DMXL1: variants seen among roughly 807,000 people sequenced by gnomAD.
DMXL1 encodes the protein Dmx like 1.
Under a neutral mutation model 319.2 loss-of-function variants are expected in DMXL1, and 99 were observed. The ratio of observed to expected loss-of-function variants is 0.31; its 90% CI spans 0.26 to 0.37. The LOEUF is 0.37. Among genes scored for constraint, DMXL1 ranks in the 10% least tolerant of loss-of-function variants. The pLI is 1.00. For missense variants in DMXL1, 3,745 were observed against 3,595.6 expected, an observed-to-expected ratio of 1.04 and a Z score of -1.06; for synonymous variants, 1,385 against 1,235.2, an observed-to-expected ratio of 1.12 and a Z score of -2.54.
At chr5:119,086,826 G>A (rs1226499199) in intron 1 of DMXL1, among the ~76,000 whole-genome samples, 1 of 152,004 alleles carries the variant, frequency 6.6e-6, no homozygotes, top group Admixed American at 6.6e-5. Context: ...TGAAGCCATA[G>A]GTCCTGAGCT....
intron 1 of DMXL1, among the ~76,000 whole-genome samples, chr5:119,089,756 A>G (rs1032078419): frequency 3.3e-5 from 5 of 150,614 alleles, no homozygotes; most frequent in African/African-American, 1.2e-4. Context: ...TTTCCTGAGT[A>G]GCTGGGATTA....
chr5:119,158,638 G>A (rs1046031465), intron 19 of DMXL1, among the ~76,000 whole-genome samples: 1 of 152,134 alleles, frequency 6.6e-6, no homozygotes, highest in Non-Finnish European at 1.5e-5. Flanking sequence ...TATGGCCTTT[G>A]TTGTGTTGAG....
intron 8 of DMXL1, among the ~76,000 whole-genome samples, chr5:119,119,261 C>T (rs1346671218): frequency 1.3e-5 from 2 of 152,106 alleles, no homozygotes; most frequent in African/African-American, 4.8e-5. Context: ...GCTGAAGTAA[C>T]ATGAAGTAAA....
At chr5:119,144,416 G>A (rs766302377) in intron 14 of DMXL1, 120 bp from the exon 15 acceptor site, 3 of 730,324 alleles carry the variant, frequency 4.1e-6, no homozygotes, top group Non-Finnish European at 6.9e-6. Context: ...ACGTTCTGCT[G>A]AACTTTTGAC....
intron 9 of DMXL1, among the ~76,000 whole-genome samples, chr5:119,125,747 AT>A (rs1763401171): frequency 6.6e-6 from 1 of 151,828 alleles, no homozygotes; most frequent in East Asian, 1.9e-4. Context: ...TGTATTTTTA[AT>A]AAAGGCGGGG....
At position 119,134,380 on chromosome 5, in the gene DMXL1, T is replaced by G. The variant is rs773715425; in HGVS notation, c.2367T>G (p.Pro789=). The G allele has an allele frequency of 2.6e-5, 41 of 1,607,768 alleles. No individual in the cohort carries two copies. In the African/African-American group the frequency reaches 4.6e-4, roughly 18 times the overall value. Residue 789 remains proline (P), a synonymous_variant, in exon 13 of 44, where the codon CCT becomes CCG. Transcript: ENST00000539542. ...AACTTTTATCTGAGCTTTCTAACCC[T>G]GAAATTTCTGTAAGTAATGTCTTTT... is the stretch of plus-strand genomic sequence containing the variant. ...AKKLLSELSN[P]EISKYVGEVF...
intron 1 of DMXL1, among the ~76,000 whole-genome samples, chr5:119,071,984 C>T (rs1327651227): frequency 4.6e-5 from 7 of 151,892 alleles, no homozygotes; most frequent in Non-Finnish European, 1.0e-4. Context: ...CTTTTTTATA[C>T]CATTCTATAG....
chr5:119,173,682 GTGTGTGTGTGTGTGTGTA>G (rs1343217775), intron 25 of DMXL1, among the ~76,000 whole-genome samples: 11 of 111,698 alleles, frequency 9.8e-5, no homozygotes, highest in Admixed American at 7.6e-4. Context: ...ATGTGTGTGT[GTGTGTGTGTGTGTGTGTA>G]TATATATATG....
intron 13 of DMXL1, among the ~76,000 whole-genome samples, chr5:119,135,755 G>GC (rs754425564): frequency 1.3e-5 from 2 of 152,172 alleles, no homozygotes; most frequent in Non-Finnish European, 2.9e-5. Flanking sequence ...CTTCTCCTTT[G>GC]CCTTCTGCCA....
intron 13 of DMXL1, among the ~76,000 whole-genome samples, chr5:119,139,945 A>G (rs1477909716): frequency 6.6e-6 from 1 of 152,234 alleles, no homozygotes; most frequent in Non-Finnish European, 1.5e-5. Flanking sequence ...AGTGCAATAA[A>G]AATAGAAGTC....
chr5:119,120,391 G>T (rs1761785089), intron 8 of DMXL1, among the ~76,000 whole-genome samples: 1 of 152,218 alleles, frequency 6.6e-6, no homozygotes, highest in African/African-American at 2.4e-5. Flanking sequence ...CTGAAGACTT[G>T]TTCTACCTTT....
intron 1 of DMXL1, among the ~76,000 whole-genome samples, chr5:119,080,401 G>A (rs1258997856): frequency 6.6e-6 from 1 of 151,970 alleles, no homozygotes; most frequent in Non-Finnish European, 1.5e-5. Flanking sequence ...CCCCTACCTT[G>A]GTGCACCTTC....
In DMXL1 at chr5:119,129,369, T is replaced by C. The variant is rs1160110620; in HGVS notation, c.1261T>C (p.Ser421Pro). ...QQLRKSFEQP[S>P]SEASVEDSNQ... ...ACTTAGAAAAAGTTTTGAACAACCA[T>C]CTTCTGAGGCCAGTGTAGAAGATTC... The change falls in exon 10 of 44, where the codon TCT (serine) becomes CCT (proline). Residue 421 changes from serine to proline, a missense_variant. By Grantham distance (74) the Ser-to-Pro change is moderately conservative. Transcript: ENST00000539542. The C allele has an allele frequency of 1.2e-6, 2 of 1,613,678 alleles. No homozygotes were observed. Among genetic ancestry groups the C allele is most frequent in the Admixed American group, 3.3e-5 (2 of 59,992 alleles).
intron 26 of DMXL1, among the ~76,000 whole-genome samples, chr5:119,175,896 A>G (rs890177268): frequency 6.6e-6 from 1 of 152,010 alleles, no homozygotes; most frequent in Non-Finnish European, 1.5e-5. Flanking sequence ...GGGTCTTTCT[A>G]TATCTATCTT....
chr5:119,092,495 A>T (rs1397021041), intron 1 of DMXL1, among the ~76,000 whole-genome samples: 1 of 152,164 alleles, frequency 6.6e-6, no homozygotes. Flanking sequence ...TAACAGCTTT[A>T]TTGAAATATA....
chr5:119,142,458 A>C (rs572937329), intron 13 of DMXL1, among the ~76,000 whole-genome samples: 2 of 151,712 alleles, frequency 1.3e-5, no homozygotes, highest in Admixed American at 1.3e-4. Context: ...AGAGAAATGC[A>C]GATAAAAACC....
At chr5:119,165,449 T>C (rs1030054779) in intron 21 of DMXL1, among the ~76,000 whole-genome samples, 169 bp downstream of exon 21, 2 of 152,224 alleles carry the variant, frequency 1.3e-5, no homozygotes, top group Admixed American at 1.3e-4. Context: ...CAAGTGTTTT[T>C]CAGAGTGGAA....
chr5:119,132,854 T>G (rs1421612745), intron 10 of DMXL1: 1 of 571,052 alleles, frequency 1.8e-6, no homozygotes, highest in Non-Finnish European at 3.3e-6. Flanking sequence ...TCTCCTTTCA[T>G]CTGTGCAAGG....
chr5:119,173,776 G>GTGTATATATATATATATA lies in DMXL1; in HGVS notation c.6682-1484_6682-1483insGTATATATATATATATAT. On this transcript the variant is annotated intron_variant, in intron 25 of 43. Coordinates refer to ENST00000539542, the MANE Select transcript of DMXL1 (RefSeq NM_001290321.3). The stretch of plus-strand genomic sequence containing the variant: ...TGTGTATATATATATATGTGTGTGT[G>GTGTATATATATATATATA]TATATATATATATATATATATAATG... Among the ~76,000 whole-genome samples the GTGTATATATATATATATA allele has an allele frequency of 8.3e-3, 558 of 67,124 alleles. 35 individuals carry two copies. The highest frequency in any genetic ancestry group is 0.028 in the African/African-American group (501 of 17,970). The allele number at this position is 67,124 out of a possible 152,430, so 44.0% of individuals were successfully genotyped here.
Sources: gnomAD v4.1 joint callset for allele counts (sites outside exome capture counted in the v4.1 genomes callset) on GRCh38, gnomAD v4.1.1 for gene constraint, MANE v1.5 for transcripts, NCBI Gene and HGNC (gene_info 2026-07-23, HGNC 2026-07-21) for gene names.